Variants in HIF3A observed in about 807,000 individuals in gnomAD.
HIF3A encodes the protein hypoxia inducible factor 3 subunit alpha.
Under a neutral mutation model 67.2 loss-of-function variants are expected in HIF3A, and 41 were observed. The observed-to-expected ratio is 0.61, with a 90% CI of 0.48 to 0.79. HIF3A has a LOEUF of 0.79. Among genes scored for constraint, HIF3A ranks in the 30% least tolerant of loss-of-function variants. HIF3A has a pLI of 0.00. For missense variants in HIF3A, 855 were observed against 898.0 expected (o/e 0.95, Z 0.61); for synonymous variants, 356 against 374.8 (o/e 0.95, Z 0.58).
intron 11 of HIF3A, among the ~76,000 whole-genome samples, chr19:46,327,724 G>A (rs764451564): frequency 1.1e-4 from 16 of 152,142 alleles, no homozygotes; most frequent in Non-Finnish European, 1.8e-4. Flanking sequence ...CCAGACTCCT[G>A]TAGACTCCCT....
chr19:46,304,044 G>A lies in HIF3A; in HGVS notation c.173G>A (p.Arg58His), dbSNP rs1351688769. The A allele has an allele frequency of 5.0e-6, 8 of 1,587,026 alleles. No homozygotes were observed. The highest frequency in any genetic ancestry group is 1.8e-5 in the Admixed American group (1 of 56,626). Residue 58 changes from arginine (R) to histidine (H), a missense_variant, in exon 2 of 15, where the codon CGC becomes CAC. This residue lies in a region of HIF3A where 638 missense variants were observed against 660.5 expected (regional missense o/e 0.97). Coordinates refer to ENST00000377670, the MANE Select transcript of HIF3A (RefSeq NM_152795.4). ...SAHLDKASIMRLTISYLRMHR... is the reference protein window; with the variant it reads ...SAHLDKASIMHLTISYLRMHR... ...CACCTGGACAAGGCCTCTATCATGC[G>A]CCTCACCATCAGCTACCTGCGCATG...
At chr19:46,307,871 A>C (rs1273505361) in intron 3 of HIF3A, among the ~76,000 whole-genome samples, 1 of 151,926 alleles carries the variant, frequency 6.6e-6, no homozygotes, top group African/African-American at 2.4e-5. Flanking sequence ...GGCTGCAGGA[A>C]GTCATGATCG....
At chr19:46,298,659 G>A (rs377180585) in intron 1 of HIF3A, 168 of 516,368 alleles carry the variant, frequency 3.3e-4, no homozygotes, top group Admixed American at 5.3e-4. Flanking sequence ...TAGTATTCCC[G>A]GAGAAGATAG....
At chr19:46,319,743 C>T (rs919192361) in intron 8 of HIF3A, among the ~76,000 whole-genome samples, 38 of 152,066 alleles carry the variant, frequency 2.5e-4, no homozygotes, top group African/African-American at 8.2e-4. Flanking sequence ...TTCGCTCACC[C>T]CGCTCTTTGC....
intron 10 of HIF3A, among the ~76,000 whole-genome samples, chr19:46,325,238 C>G (rs763880188): frequency 1.3e-5 from 2 of 151,956 alleles, no homozygotes; most frequent in African/African-American, 4.8e-5. Context: ...CTCAAGTGAT[C>G]CACCCACCTT....
chr19:46,335,416 T>C (rs1484286282), intron 14 of HIF3A, among the ~76,000 whole-genome samples: 1 of 151,884 alleles, frequency 6.6e-6, no homozygotes, highest in East Asian at 1.9e-4. Context: ...ATCACAGGTG[T>C]GTGCCACCAC....
intron 12 of HIF3A, 74 bp from the exon 13 acceptor site, chr19:46,331,081 CA>C (rs1353972177): frequency 1.2e-5 from 13 of 1,130,396 alleles, no homozygotes; most frequent in African/African-American, 9.2e-5. Flanking sequence ...AATGAATGCT[CA>C]TCACCTGCTT....
intron 6 of HIF3A, 87 bp from the exon 7 acceptor site, chr19:46,312,074 C>G (rs1394712890): frequency 4.2e-6 from 4 of 942,502 alleles, no homozygotes; most frequent in Non-Finnish European, 5.3e-6. Context: ...GGCTTTGTTC[C>G]TGTGTCCTCT....
intron 10 of HIF3A, among the ~76,000 whole-genome samples, chr19:46,323,437 G>C (rs971373759): frequency 3.3e-5 from 5 of 152,098 alleles, no homozygotes; most frequent in Non-Finnish European, 7.4e-5. Flanking sequence ...GCAGAAGAAG[G>C]CTGGAGAGGT....
In HIF3A at chr19:46,305,267, A is replaced by C. The variant is rs752521596; in HGVS notation, c.240A>C (p.Ala80=). ...CAAGEWNQVG[A]GGEPLDACYL... Reference sequence around the variant, plus strand: ...CAGGGGAGTGGAACCAGGTGGGAGCAGGGGGAGAACCACTGGATGCCTGCT... The same window carrying C: ...CAGGGGAGTGGAACCAGGTGGGAGCCGGGGGAGAACCACTGGATGCCTGCT... Residue 80 remains alanine (A), a synonymous_variant, in exon 3 of 15, where the codon GCA becomes GCC. Coordinates refer to ENST00000377670, the MANE Select transcript of HIF3A (RefSeq NM_152795.4). The C allele has an allele frequency of 1.2e-6, 2 of 1,614,074 alleles. No homozygotes were observed. The highest frequency in any genetic ancestry group is 1.7e-6 in the Non-Finnish European group (2 of 1,180,024).
At chr19:46,331,106 C>G in intron 12 of HIF3A, 50 bp from the exon 13 acceptor site, 1 of 1,462,720 alleles carries the variant, frequency 6.8e-7, no homozygotes, top group East Asian at 2.3e-5. Context: ...CTGTTATCCA[C>G]ACTTGCCCAG....
At chr19:46,330,164 T>C (rs1054108638) in intron 12 of HIF3A, among the ~76,000 whole-genome samples, 1 of 152,044 alleles carries the variant, frequency 6.6e-6, no homozygotes, top group Non-Finnish European at 1.5e-5. Flanking sequence ...TACATCTTGG[T>C]ATCTCCCAAG....
chr19:46,310,077 T>C (rs1011441803), intron 6 of HIF3A, among the ~76,000 whole-genome samples: 4 of 151,916 alleles, frequency 2.6e-5, no homozygotes, highest in African/African-American at 9.7e-5. Flanking sequence ...ATACAAAAAT[T>C]AGCTGGGCAT....
intron 3 of HIF3A, among the ~76,000 whole-genome samples, chr19:46,306,824 ATGT>A (rs1555778313): frequency 6.6e-6 from 1 of 152,138 alleles, no homozygotes; most frequent in Non-Finnish European, 1.5e-5. Flanking sequence ...GCTACAAGAG[ATGT>A]TGTCAGAGGA....
chr19:46,322,607 T>C (rs1327097812), intron 10 of HIF3A, among the ~76,000 whole-genome samples: 2 of 151,882 alleles, frequency 1.3e-5, no homozygotes, highest in Admixed American at 6.6e-5. Context: ...ACCTGGTTAA[T>C]TTTTTGTATT....
In HIF3A at chr19:46,297,961, G is replaced by A. The variant is rs767021080; in HGVS notation, c.26+859G>A. Among the ~76,000 whole-genome samples, 11 of 152,166 alleles carry A rather than the reference G, an allele frequency of 7.2e-5. No individual in the cohort carries two copies. In the South Asian group the frequency reaches 1.7e-3, roughly 23 times the overall value. On this transcript the variant is annotated intron_variant, in intron 1 of 14. Transcript: ENST00000377670. This position sits in a 1 kb window ranked among gnomAD's most constrained non-coding sequence, Gnocchi z 4.5. ...CGCAGTACTCAGATGGGGTCATCCC[G>A]GGCAGAGGGTGGGTTTCTGGGTTCA...
At chr19:46,325,051 C>T (rs969045328) in intron 10 of HIF3A, among the ~76,000 whole-genome samples, 7 of 148,132 alleles carry the variant, frequency 4.7e-5, no homozygotes, top group Non-Finnish European at 1.0e-4. Flanking sequence ...GGCTGGAGTG[C>T]GGTGGCATGA....
chr19:46,318,515 C>T (rs1970100567), intron 8 of HIF3A, among the ~76,000 whole-genome samples: 1 of 136,212 alleles, frequency 7.3e-6, no homozygotes, highest in African/African-American at 2.8e-5. Context: ...CACCACTGCA[C>T]TCCAGCCTGA....
At chr19:46,321,701 G>C in intron 9 of HIF3A, 75 bp from the exon 10 acceptor site, 2 of 1,294,120 alleles carry the variant, frequency 1.5e-6, no homozygotes, top group Admixed American at 1.9e-5. Context: ...GTGTTCCTGG[G>C]GTTGGTATGG....
Sources: allele counts gnomAD v4.1 joint callset (sites outside exome capture counted in the v4.1 genomes callset), GRCh38; gene constraint gnomAD v4.1.1; regional missense constraint gnomAD v4.1.1; non-coding constraint Gnocchi (gnomAD v3.1); transcripts MANE v1.5; gene names NCBI Gene and HGNC (gene_info 2026-07-23, HGNC 2026-07-21).